CD96: variants seen among roughly 807,000 people sequenced by gnomAD.
The protein encoded by CD96 is T-cell surface protein tactile.
Under a neutral mutation model 71.3 loss-of-function variants are expected in CD96, and 70 were observed. The ratio of observed to expected loss-of-function variants is 0.98; its 90% confidence interval spans 0.81 to 1.20. CD96 has a LOEUF of 1.20. Ranked by LOEUF, CD96 falls within the 50% of genes most tolerant of loss-of-function variation. The probability of loss-of-function intolerance (pLI) is 0.00; values close to 1 mark genes in which losing one functional copy is unlikely to be tolerated. For missense variants in CD96, 742 were observed against 677.5 expected, an observed-to-expected ratio of 1.10 and a Z score of -1.06; for synonymous variants, 248 against 233.0, an observed-to-expected ratio of 1.06 and a Z score of -0.59.
intron 2 of CD96, among the ~76,000 whole-genome samples, chr3:111,556,199 A>C (rs1288837819): frequency 4.0e-5 from 6 of 151,820 alleles, no homozygotes; most frequent in Non-Finnish European, 2.9e-5. Flanking sequence ...TAGACTAATA[A>C]CAACTTCTTT....
downstream of CD96, among the ~76,000 whole-genome samples, chr3:111,655,524 T>G (rs917822018): frequency 6.6e-6 from 1 of 152,120 alleles, no homozygotes; most frequent in East Asian, 1.9e-4. Context: ...TTTTAAAGGC[T>G]TCAGAAAGGA....
At position 111,624,218 on chromosome 3, in the gene CD96, T is replaced by G. The variant is rs1036461296; in HGVS notation, c.1250-115T>G. The G allele has an allele frequency of 3.9e-6, 3 of 777,700 alleles. No homozygotes were observed. The African/African-American group carries it at 5.1e-5, about 13-fold the overall frequency. 48.2% of individuals were successfully genotyped at this position (777,700 alleles called of 1,614,324 possible). A position where few individuals can be genotyped will look rare whatever the true frequency, so the allele number is the denominator to read the frequency against. On this transcript the variant is annotated intron_variant, in intron 9 of 13. Coordinates refer to ENST00000352690, the MANE Select transcript of CD96 (RefSeq NM_005816.5). ...TAGTGTTCCTGCATAGGGAAGCACA[T>G]TTTCAATTTCAGATTTCCCCAAAGT...
At position 111,650,656 on chromosome 3, in the gene CD96, C is replaced by T. The variant is rs1285236298; in HGVS notation, c.*850C>T. Reference sequence around the variant, plus strand: ...TTCTCTTTTTCATCTGGGGATTTACCTGTTCATTTAATCTGCCTGTTTTGA... The same window carrying T: ...TTCTCTTTTTCATCTGGGGATTTACTTGTTCATTTAATCTGCCTGTTTTGA... On this transcript the variant is annotated 3_prime_UTR_variant, in exon 14 of 14. Coordinates refer to ENST00000352690, the MANE Select transcript of CD96 (RefSeq NM_005816.5). The T allele has an allele frequency of 6.6e-6, 1 of 152,268 alleles. No homozygotes were observed. The highest frequency in any genetic ancestry group is 1.5e-5 in the Non-Finnish European group (1 of 68,086). 9.4% of individuals were successfully genotyped at this position (152,268 alleles called of 1,614,324 possible).
chr3:111,573,814 T>C (rs543048578), intron 3 of CD96, among the ~76,000 whole-genome samples: 1 of 145,810 alleles, frequency 6.9e-6, no homozygotes, highest in South Asian at 2.1e-4. Context: ...ATAGACAATG[T>C]TTGTTATGCT....
chr3:111,646,474 G>A (rs2107783633), intron 12 of CD96, among the ~76,000 whole-genome samples: 1 of 151,122 alleles, frequency 6.6e-6, no homozygotes, highest in East Asian at 1.9e-4. Context: ...AATCACTAGA[G>A]AAATGCAAAT....
chr3:111,664,647 T>C (rs1354116890), intron 14 of CD96, among the ~76,000 whole-genome samples: 1 of 152,084 alleles, frequency 6.6e-6, no homozygotes, highest in African/African-American at 2.4e-5. Flanking sequence ...TACCCCTGTA[T>C]CTAAAATAAA....
Position 111,603,444 on chromosome 3 carries a change from C to CA in CD96, c.1087+2545dup, listed in dbSNP as rs770327298. ...TGGGCAACAGAGCAAGGCTTTGTCT[C>CA]AAAAAAAAAAAAAAATCCCGCCCTG... On this transcript the variant is annotated intron_variant, in intron 7 of 13. Coordinates refer to ENST00000352690, the MANE Select transcript of CD96 (RefSeq NM_005816.5). Among the ~76,000 whole-genome samples, 850 of 132,724 alleles carry CA rather than the reference C, an allele frequency of 6.4e-3. 5 individuals carry two copies. The highest frequency in any genetic ancestry group is 0.015 in the East Asian group (71 of 4,596). The allele number at this position is 132,724 out of a possible 152,430, so 87.1% of individuals were successfully genotyped here. A position where few individuals can be genotyped will look rare whatever the true frequency, so the allele number is the denominator to read the frequency against.
chr3:111,546,391 A>C (rs1358015640), intron 2 of CD96, among the ~76,000 whole-genome samples: 1 of 152,164 alleles, frequency 6.6e-6, no homozygotes, highest in Non-Finnish European at 1.5e-5. Context: ...CTAACTATGA[A>C]GCATTCACAC....
intron 8 of CD96, among the ~76,000 whole-genome samples, chr3:111,614,188 T>G (rs1365157836): frequency 6.6e-6 from 1 of 152,148 alleles, no homozygotes; most frequent in African/African-American, 2.4e-5. Context: ...TTCCCCCAAG[T>G]GTGGCTCTAA....
intron 8 of CD96, among the ~76,000 whole-genome samples, chr3:111,617,881 G>A (rs542220743): frequency 6.6e-6 from 1 of 152,322 alleles, no homozygotes; most frequent in Non-Finnish European, 1.5e-5. Flanking sequence ...CCAGACCTAA[G>A]GCCTCCCAGG....
intron 2 of CD96, among the ~76,000 whole-genome samples, chr3:111,549,299 G>A (rs1030416782): frequency 6.6e-6 from 1 of 152,112 alleles, no homozygotes; most frequent in Non-Finnish European, 1.5e-5. Flanking sequence ...TAACAACTGG[G>A]TAGGCAGGGG....
rs1453346037 is a variant in CD96, at chr3:111,579,141, G to A, written c.658G>A (p.Val220Ile). 6.2e-7 allele frequency: 1 copy of A among 1,605,062 alleles called. No homozygotes were observed. ...AGACTACAGACTCCACCTCTCTCCA[G>A]TCCAAATCTTCGATGATGGGCGGAA... is the stretch of plus-strand genomic sequence containing the variant. Reference protein sequence around the residue: ...GTDYRLHLSPVQIFDDGRKFS... With the variant: ...GTDYRLHLSPIQIFDDGRKFS... The change falls in exon 4 of 14, where the codon GTC becomes ATC. Residue 220 changes from valine to isoleucine, a missense_variant. Physicochemically the swap from Val to Ile is conservative, Grantham distance 29. Coordinates refer to ENST00000352690, the MANE Select transcript of CD96 (RefSeq NM_005816.5).
intron 2 of CD96, among the ~76,000 whole-genome samples, chr3:111,556,753 A>T (rs1223168169): frequency 1.3e-5 from 2 of 151,442 alleles, no homozygotes; most frequent in African/African-American, 2.4e-5. Flanking sequence ...TGGTATTTCT[A>T]GTTCTAGATC....
chr3:111,556,216 T>A (rs190143763), intron 2 of CD96, among the ~76,000 whole-genome samples: 2,511 of 150,528 alleles, frequency 0.017, 49 homozygotes, highest in African/African-American at 0.058. Context: ...CTTTTTTTTT[T>A]ATTATACTTT....
chr3:111,602,098 T>C (rs1332238119), intron 7 of CD96, among the ~76,000 whole-genome samples: 1 of 152,188 alleles, frequency 6.6e-6, no homozygotes, highest in African/African-American at 2.4e-5. Context: ...GTCAGCTCCT[T>C]CCTGGAAAGC....
chr3:111,638,002 T>C, intron 11 of CD96, 77 bp from the exon 12 acceptor site: 1 of 834,878 alleles, frequency 1.2e-6, no homozygotes, highest in South Asian at 1.3e-5. Flanking sequence ...TCAAATAACA[T>C]ATGAAACCCA....
intron 2 of CD96, among the ~76,000 whole-genome samples, chr3:111,562,198 C>A (rs535316377): frequency 6.6e-6 from 1 of 152,148 alleles, no homozygotes; most frequent in African/African-American, 2.4e-5. Context: ...AGCTGTAGAC[C>A]GGAGCTGTTC....
chr3:111,664,377 G>A (rs1176538351), intron 14 of CD96, among the ~76,000 whole-genome samples: 1 of 152,070 alleles, frequency 6.6e-6, no homozygotes, highest in East Asian at 1.9e-4. Context: ...TGTAGTTTGA[G>A]GCCAAAATCC....
At chr3:111,642,113 C>A (rs1003393334) in intron 12 of CD96, among the ~76,000 whole-genome samples, 1 of 151,990 alleles carries the variant, frequency 6.6e-6, no homozygotes, top group Non-Finnish European at 1.5e-5. Context: ...CAAACTGAAC[C>A]GAAATCCATC....
Sources: gnomAD v4.1 joint callset for allele counts (sites outside exome capture counted in the v4.1 genomes callset) on GRCh38, gnomAD v4.1.1 for gene constraint, MANE v1.5 for transcripts, NCBI Gene and HGNC (gene_info 2026-07-23, HGNC 2026-07-21) for gene names.